The following PCDH11Y variants were observed in gnomAD, a reference collection of about 807,000 sequenced individuals.
PCDH11Y encodes protocadherin-11 Y-linked.
For missense variants in PCDH11Y, 12 were observed against 224.8 expected (o/e 0.05, Z 6.05); for synonymous variants, 9 against 83.6 (o/e 0.11, Z 4.87).
intron 3 of PCDH11Y, among the ~76,000 whole-genome samples, chrY:5,577,242 C>A: frequency 3.1e-5 from 1 of 32,370 alleles, no homozygotes; most frequent in Non-Finnish European, 7.6e-5. Flanking sequence ...ACAGCCTTTG[C>A]AAAGATTTCC....
intron 2 of PCDH11Y, among the ~76,000 whole-genome samples, chrY:5,234,364 C>T: frequency 3.5e-5 from 1 of 28,510 alleles, no homozygotes; most frequent in Non-Finnish European, 8.2e-5. Context: ...CTCCCTCAGC[C>T]TCCCAAGTAG....
chrY:5,158,313 T>C, intron 2 of PCDH11Y, among the ~76,000 whole-genome samples: 4 of 30,365 alleles, frequency 1.3e-4, no homozygotes, highest in African/African-American at 2.6e-4. Context: ...TTATTCTTCA[T>C]TGAATTAAAG....
In PCDH11Y at chrY:5,023,406, G is replaced by T; in HGVS notation, c.-133-8500G>T. On this transcript the variant is annotated intron_variant, in intron 1 of 5. Transcript: ENST00000333703. The stretch of plus-strand genomic sequence containing the variant: ...TGCATTATTAATGCACTTTCTTGAA[G>T]AATTGGTCTCGAGAGAAAATGCTTC... 8.6e-5 allele frequency among the ~76,000 whole-genome samples: 3 copies of T among 34,690 alleles called. No homozygotes were observed. In the South Asian group the frequency reaches 1.9e-3, roughly 21 times the overall value. The allele number at this position is 34,690 out of a possible 37,273, so 93.1% of individuals were successfully genotyped here. A position where few individuals can be genotyped will look rare whatever the true frequency, so the allele number is the denominator to read the frequency against.
At chrY:5,179,059 G>A (rs2052897050) in intron 2 of PCDH11Y, among the ~76,000 whole-genome samples, 1 of 32,923 alleles carries the variant, frequency 3.0e-5, no homozygotes, top group Non-Finnish European at 7.5e-5. Flanking sequence ...CCATGTCCTT[G>A]GTATTGTGAA....
At chrY:5,624,334 C>CT (rs2053504206) in intron 4 of PCDH11Y, among the ~76,000 whole-genome samples, 1 of 19,607 alleles carries the variant, frequency 5.1e-5, no homozygotes, top group African/African-American at 2.0e-4. Context: ...TTTCTTTTTT[C>CT]TTTTTTTTTG....
chrY:5,040,868 G>A, intron 3 of PCDH11Y, among the ~76,000 whole-genome samples: 1 of 32,484 alleles, frequency 3.1e-5, no homozygotes, highest in Admixed American at 2.8e-4. Flanking sequence ...TACAGGTGAA[G>A]GTCATGCATA....
At chrY:5,475,347 T>C (rs2124685089) in intron 2 of PCDH11Y, among the ~76,000 whole-genome samples, 1 of 33,181 alleles carries the variant, frequency 3.0e-5, no homozygotes, top group African/African-American at 1.2e-4. Flanking sequence ...TCCTTGTATT[T>C]GTACTTGGTT....
chrY:5,708,302 A>G (rs2053584324), intron 4 of PCDH11Y, among the ~76,000 whole-genome samples: 1 of 33,411 alleles, frequency 3.0e-5, no homozygotes. Context: ...AATCATTTGA[A>G]GGTACAAAAC....
At chrY:5,418,570 A>G (rs2053255224) in intron 2 of PCDH11Y, among the ~76,000 whole-genome samples, 1 of 32,695 alleles carries the variant, frequency 3.1e-5, no homozygotes, top group African/African-American at 1.2e-4. Flanking sequence ...AGATATAAAA[A>G]TGGTTATCTT....
At chrY:5,357,274 T>C in intron 2 of PCDH11Y, among the ~76,000 whole-genome samples, 2 of 25,294 alleles carry the variant, frequency 7.9e-5, no homozygotes, top group Admixed American at 4.2e-4. Flanking sequence ...TATATATATA[T>C]ATGTATATGT....
At chrY:5,648,576 T>C in intron 4 of PCDH11Y, among the ~76,000 whole-genome samples, 1 of 30,098 alleles carries the variant, frequency 3.3e-5, no homozygotes, top group Non-Finnish European at 8.0e-5. Flanking sequence ...GTCCACTGAA[T>C]CTGTATGTAT....
At chrY:5,359,340 C>G (rs2053172440) in intron 2 of PCDH11Y, among the ~76,000 whole-genome samples, 1 of 32,709 alleles carries the variant, frequency 3.1e-5, no homozygotes, top group Non-Finnish European at 7.5e-5. Flanking sequence ...GATGTTACCA[C>G]GTATTTGTTA....
intron 3 of PCDH11Y, among the ~76,000 whole-genome samples, chrY:5,562,783 A>G: frequency 3.3e-5 from 1 of 30,509 alleles, no homozygotes; most frequent in Non-Finnish European, 7.9e-5. Context: ...AAAAAAAAAA[A>G]AAAAAAAAAG....
chrY:5,627,711 C>A, intron 4 of PCDH11Y, among the ~76,000 whole-genome samples: 3 of 33,107 alleles, frequency 9.1e-5, no homozygotes. Context: ...TTAATACTAA[C>A]ACATTTCAGC....
intron 4 of PCDH11Y, among the ~76,000 whole-genome samples, chrY:5,728,584 T>C: frequency 3.0e-5 from 1 of 33,673 alleles, no homozygotes; most frequent in African/African-American, 1.2e-4. Context: ...TGATAGTCTA[T>C]ACAGATATTT....
At chrY:5,331,147 T>G (rs2053131109) in intron 2 of PCDH11Y, among the ~76,000 whole-genome samples, 1 of 33,847 alleles carries the variant, frequency 3.0e-5, no homozygotes, top group Non-Finnish European at 7.3e-5. Flanking sequence ...AACTTCCTAC[T>G]GGGAAAAATT....
chrY:5,534,957 T>C, intron 3 of PCDH11Y, among the ~76,000 whole-genome samples: 1 of 33,871 alleles, frequency 3.0e-5, no homozygotes, highest in Non-Finnish European at 7.3e-5. Flanking sequence ...TTTTGAAAAG[T>C]ATTTGTTCAT....
chrY:5,355,756 G>C, intron 2 of PCDH11Y, among the ~76,000 whole-genome samples: 3 of 32,995 alleles, frequency 9.1e-5, no homozygotes, highest in Admixed American at 2.9e-4. Context: ...GCCTGAACAA[G>C]ATGGATTTCT....
intron 1 of PCDH11Y, among the ~76,000 whole-genome samples, chrY:5,085,923 T>C (rs2052729601): frequency 4.5e-5 from 1 of 22,340 alleles, no homozygotes; most frequent in Non-Finnish European, 1.0e-4. Flanking sequence ...GGTGTAAAAC[T>C]TCCTTTTACT....
Sources: gnomAD v4.1 joint callset for allele counts (sites outside exome capture counted in the v4.1 genomes callset) on GRCh38, gnomAD v4.1.1 for gene constraint, MANE v1.5 for transcripts, NCBI Gene and HGNC (gene_info 2026-07-23, HGNC 2026-07-21) for gene names.